Variants in GP9 observed in about 807,000 individuals in gnomAD.
The protein encoded by GP9 is platelet glycoprotein IX.
For missense variants in GP9, 228 were observed against 241.8 expected (o/e 0.94, Z 0.38); for synonymous variants, 116 against 116.7 (o/e 0.99, Z 0.04).
At chr3:129,060,409 C>G (rs1946561254), upstream of GP9, among the ~76,000 whole-genome samples, 1 of 152,240 alleles carries the variant, frequency 6.6e-6, no homozygotes, top group African/African-American at 2.4e-5. Context: ...CTGCCCAGCC[C>G]ACACCTCTGT....
At chr3:129,060,031 G>A (rs1259723348), upstream of GP9, among the ~76,000 whole-genome samples, 1 of 152,148 alleles carries the variant, frequency 6.6e-6, no homozygotes, top group Non-Finnish European at 1.5e-5. Flanking sequence ...TCGGCTCACT[G>A]CCACCTCTGC....
At chr3:129,060,158 G>C (rs1343437836), upstream of GP9, among the ~76,000 whole-genome samples, 3 of 152,208 alleles carry the variant, frequency 2.0e-5, no homozygotes, top group African/African-American at 4.8e-5. Flanking sequence ...TGCTCTAGAA[G>C]AAAATGTACT....
At position 129,061,712 on chromosome 3, in the gene GP9, G is replaced by A; in HGVS notation, c.-12-16G>A. The A allele has an allele frequency of 6.2e-7, 1 of 1,600,216 alleles. No homozygotes were observed. Among genetic ancestry groups the A allele is most frequent in the Non-Finnish European group, 8.5e-7 (1 of 1,172,820 alleles). ...CCAGGCTGCCAGGCCCTCCCTCACAGCCCCTCTCTCTGCAGCCAGCCTGTC... is the reference window on the plus strand; with the variant it reads ...CCAGGCTGCCAGGCCCTCCCTCACAACCCCTCTCTCTGCAGCCAGCCTGTC... On this transcript the variant is annotated splice_polypyrimidine_tract_variant and intron_variant, in intron 2 of 2. Transcript: ENST00000307395.
chr3:129,055,177 T>C, the GP9 span, among the ~76,000 whole-genome samples: 1 of 152,230 alleles, frequency 6.6e-6, no homozygotes, highest in Non-Finnish European at 1.5e-5. Flanking sequence ...CTGTCGTGGC[T>C]GGAAGCTCAG....
chr3:129,057,313 GA>G (rs527648006), upstream of GP9, among the ~76,000 whole-genome samples: 27 of 152,212 alleles, frequency 1.8e-4, no homozygotes, highest in Non-Finnish European at 3.8e-4. Context: ...GGAGGCCTTT[GA>G]GGAGGGGTCA....
At position 129,062,090 on chromosome 3, in the gene GP9, C is replaced by G. The variant is rs775081774; in HGVS notation, c.351C>G (p.Ser117Arg). The G allele has an allele frequency of 5.6e-6, 9 of 1,608,024 alleles. No individual in the cohort carries two copies. Among genetic ancestry groups the G allele is most frequent in the African/African-American group, 1.3e-5 (1 of 74,972 alleles). The stretch of plus-strand genomic sequence containing the variant: ...TGCAGGTCCGCTGTGCCAGCCCCAG[C>G]CTCGCTGCCCATGGCCCGCTGGGCC... Reference protein sequence around the residue: ...ALLQVRCASPSLAAHGPLGRL... With the variant: ...ALLQVRCASPRLAAHGPLGRL... The change falls in exon 3 of 3, where the codon AGC becomes AGG. Residue 117 changes from serine (S) to arginine (R), a missense_variant. Physicochemically the swap from Ser to Arg is moderately radical, Grantham distance 110 (BLOSUM62 -1). Transcript: ENST00000307395.
chr3:129,059,985 G>A (rs554601954), upstream of GP9, among the ~76,000 whole-genome samples: 105 of 152,172 alleles, frequency 6.9e-4, 1 homozygote, highest in Non-Finnish European at 1.2e-3. Context: ...ACGGAGTCTC[G>A]CTCTGTCACC....
At chr3:129,055,235 G>T in the GP9 span, among the ~76,000 whole-genome samples, 110 of 152,292 alleles carry the variant, frequency 7.2e-4, no homozygotes, top group African/African-American at 2.6e-3. Flanking sequence ...GGTCCATTCA[G>T]TTTGGCAGGG....
In GP9 at chr3:129,060,791, C is replaced by G. The variant is rs762182330; in HGVS notation, c.-198C>G. On this transcript the variant is annotated 5_prime_UTR_variant, in exon 1 of 3. Transcript: ENST00000307395. ...TCAGCTGTATCCCATAGAGTTGCCACCCAGGCCTCAGCCAGGACCTTTCAG... is the reference window on the plus strand; with the variant it reads ...TCAGCTGTATCCCATAGAGTTGCCAGCCAGGCCTCAGCCAGGACCTTTCAG... 1 of 152,646 alleles carries G rather than the reference C, an allele frequency of 6.6e-6. No homozygotes were observed. The highest frequency in any genetic ancestry group is 1.5e-5 in the Non-Finnish European group (1 of 68,352). 9.5% of individuals were successfully genotyped at this position (152,646 alleles called of 1,614,324 possible). A position where few individuals can be genotyped will look rare whatever the true frequency, so the allele number is the denominator to read the frequency against.
In GP9 at chr3:129,061,540, A is replaced by T. The variant is rs1946574414; in HGVS notation, c.-92A>T. 1 of 624,454 alleles carries T rather than the reference A, an allele frequency of 1.6e-6. No individual in the cohort carries two copies. The highest frequency in any genetic ancestry group is 2.5e-5 in the Admixed American group (1 of 39,944). The allele number at this position is 624,454 out of a possible 1,614,324, so 38.7% of individuals were successfully genotyped here. A position where few individuals can be genotyped will look rare whatever the true frequency, so the allele number is the denominator to read the frequency against. ...CTACGGTGTCCAGAGACAGTTAGCC[A>T]GGCCTGGGCTGGGCACACTCCACCT... On this transcript the variant is annotated 5_prime_UTR_variant, in exon 2 of 3. Transcript: ENST00000307395.
At position 129,061,554 on chromosome 3, in the gene GP9, C is replaced by A. The variant is rs886057960; in HGVS notation, c.-78C>A. 1.3e-4 allele frequency: 87 copies of A among 648,856 alleles called. No individual in the cohort carries two copies. The highest frequency in any genetic ancestry group is 8.0e-4 in the African/African-American group (45 of 56,240). 40.2% of individuals were successfully genotyped at this position (648,856 alleles called of 1,614,324 possible). On this transcript the variant is annotated 5_prime_UTR_variant, in exon 2 of 3. Coordinates refer to ENST00000307395, the MANE Select transcript of GP9 (RefSeq NM_000174.5). ...GACAGTTAGCCAGGCCTGGGCTGGG[C>A]ACACTCCACCTTCCCTAGTCACCAG...
intron 1 of GP9, 65 bp from the exon 2 acceptor site, chr3:129,061,429 G>A: frequency 2.0e-6 from 1 of 500,564 alleles, no homozygotes; most frequent in East Asian, 3.7e-5. Flanking sequence ...AGCAGGGGAT[G>A]GGGTCTCTGC....
chr3:129,055,644 C>CT, the GP9 span, among the ~76,000 whole-genome samples: 2,019 of 148,506 alleles, frequency 0.014, 41 homozygotes, highest in African/African-American at 0.044. Flanking sequence ...TTCTTTCTTT[C>CT]TTTCTTTTTT....
chr3:129,062,133 C>A lies in GP9; in HGVS notation c.394C>A (p.Leu132Met). 2 of 1,591,172 alleles carry A rather than the reference C, an allele frequency of 1.3e-6. No individual in the cohort carries two copies. The highest frequency in any genetic ancestry group is 1.1e-5 in the South Asian group (1 of 89,000). ...GPLGRLTGYQ[L>M]GSCGWQLQAS... ...GCTGGGCCGGCTGACAGGCTACCAGCTGGGCAGCTGTGGCTGGCAGCTGCA... is the reference window on the plus strand; with the variant it reads ...GCTGGGCCGGCTGACAGGCTACCAGATGGGCAGCTGTGGCTGGCAGCTGCA... The change falls in exon 3 of 3, where the codon CTG (leucine) becomes ATG (methionine). Residue 132 changes from leucine (L) to methionine (M), a missense_variant. Transcript: ENST00000307395.
chr3:129,061,949 C>T lies in GP9; in HGVS notation c.210C>T (p.Ala70=). ...NNSLQSVPPG[A]FDHLPQLQTL... is the part of the protein sequence containing the mutation. ...GCCTTCAGTCCGTGCCCCCGGGAGC[C>T]TTTGACCACCTGCCCCAGCTGCAGA... Residue 70 remains alanine (A), a synonymous_variant, in exon 3 of 3, where the codon GCC becomes GCT. Transcript: ENST00000307395. The T allele has an allele frequency of 1.9e-6, 3 of 1,613,928 alleles. No homozygotes were observed. The highest frequency in any genetic ancestry group is 1.3e-5 in the African/African-American group (1 of 75,064).
upstream of GP9, among the ~76,000 whole-genome samples, chr3:129,057,925 C>T (rs1281989560): frequency 1.3e-5 from 2 of 151,402 alleles, no homozygotes; most frequent in Non-Finnish European, 2.9e-5. Context: ...CCTCCGCTTC[C>T]TGGGTTCAAG....
the GP9 span, among the ~76,000 whole-genome samples, chr3:129,054,978 G>A: frequency 6.6e-6 from 1 of 152,224 alleles, no homozygotes; most frequent in African/African-American, 2.4e-5. Flanking sequence ...TGGGGTGACT[G>A]ACTTAACCCT....
Position 129,062,216 on chromosome 3 carries a change from G to A in GP9, c.477G>A (p.Ala159=), listed in dbSNP as rs780042360. ...ACGTGGCGCTGGTCGCCGTGGCCGC[G>A]CTGGGCCTGGCTCTTCTGGCTGGCC... ...LWDVALVAVA[A]LGLALLAGLL... The change falls in exon 3 of 3, where the codon GCG becomes GCA. Residue 159 remains alanine (A), a synonymous_variant. Coordinates refer to ENST00000307395, the MANE Select transcript of GP9 (RefSeq NM_000174.5). 5.8e-6 allele frequency: 9 copies of A among 1,563,318 alleles called. No individual in the cohort carries two copies. Among genetic ancestry groups the A allele is most frequent in the Non-Finnish European group, 7.8e-6 (9 of 1,157,724 alleles).
chr3:129,059,961 A>G (rs1405400456), upstream of GP9, among the ~76,000 whole-genome samples: 1 of 152,038 alleles, frequency 6.6e-6, no homozygotes, highest in Non-Finnish European at 1.5e-5. Flanking sequence ...ACCCTGTTTT[A>G]TTTATTTTTT....
Sources: allele counts gnomAD v4.1 joint callset (sites outside exome capture counted in the v4.1 genomes callset), GRCh38; gene constraint gnomAD v4.1.1; transcripts MANE v1.5; gene names NCBI Gene and HGNC (gene_info 2026-07-23, HGNC 2026-07-21).